The following FAM228B variants were observed in gnomAD, a reference collection of about 807,000 sequenced individuals.
The protein encoded by FAM228B is protein FAM228B.
FAM228B carries 38 observed loss-of-function variants against 42.6 expected under a neutral mutation model. The observed-to-expected ratio is 0.89, with a 90% CI of 0.69 to 1.17. The LOEUF (loss-of-function observed/expected upper bound fraction) is 1.17, where lower values mean the gene tolerates loss of function less well. Ranked by LOEUF, FAM228B falls within the 50% of genes most tolerant of loss-of-function variation. The probability of loss-of-function intolerance (pLI) is 0.00; values close to 1 mark genes in which losing one functional copy is unlikely to be tolerated. For missense variants in FAM228B, 344 were observed against 367.3 expected (o/e 0.94, Z 0.52); for synonymous variants, 109 against 122.3 (o/e 0.89, Z 0.72).
chr2:24,121,304 G>A, upstream of FAM228B: 1 of 1,614,110 alleles, frequency 6.2e-7, no homozygotes, highest in South Asian at 1.1e-5. Flanking sequence ...GCGTTACCTG[G>A]AGAGGTTACA....
intron 3 of FAM228B, among the ~76,000 whole-genome samples, chr2:24,107,945 T>G (rs1182608754): frequency 1.3e-5 from 2 of 151,982 alleles, no homozygotes; most frequent in African/African-American, 4.8e-5. Context: ...TAAAGGAAAT[T>G]GAGACACAAA....
intron 1 of FAM228B, 129 bp downstream of exon 1, chr2:24,123,662 G>A (rs1666208922): frequency 6.6e-6 from 1 of 151,772 alleles, no homozygotes; most frequent in Admixed American, 6.6e-5. Flanking sequence ...CTGGCCTTGG[G>A]AGGGCAGAGA....
intron 2 of FAM228B, among the ~76,000 whole-genome samples, chr2:24,092,218 CAAAAAAA>C (rs34189159): frequency 3.0e-4 from 9 of 29,994 alleles, no homozygotes; most frequent in East Asian, 1.2e-3. Flanking sequence ...GACTCTGTCT[CAAAAAAA>C]AAAAAAAAAA....
chr2:24,088,389 C>T (rs747017863), intron 2 of FAM228B, among the ~76,000 whole-genome samples: 13 of 152,072 alleles, frequency 8.5e-5, no homozygotes, highest in Admixed American at 5.9e-4. Context: ...CTGGCTCTGT[C>T]GCCTAGGCTG....
rs1008550800 is a variant in FAM228B at position 24,084,012 on chromosome 2, C to T, written c.-210+3057C>T. On this transcript the variant is annotated intron_variant, in intron 2 of 10. Transcript: ENST00000613899. The surrounding 1 kb of genome is among the most constrained non-coding windows in gnomAD (Gnocchi z 8.4). ...GTGGATTCTGCTTTACAAGTACTCCCCCTTGTTTTGCATGAACAAAGAGGG... is the reference window on the plus strand; with the variant it reads ...GTGGATTCTGCTTTACAAGTACTCCTCCTTGTTTTGCATGAACAAAGAGGG... Among the ~76,000 whole-genome samples, 2 of 152,256 alleles carry T rather than the reference C, an allele frequency of 1.3e-5. No homozygotes were observed. Among genetic ancestry groups the T allele is most frequent in the African/African-American group, 4.8e-5 (2 of 41,560 alleles).
intron 2 of FAM228B, chr2:24,085,015 A>G (rs1665197163): frequency 6.6e-6 from 1 of 152,212 alleles, no homozygotes; most frequent in African/African-American, 2.4e-5. Flanking sequence ...CTTGACAGAA[A>G]GTGCGATTCT....
rs1349071122 is a variant in FAM228B, at chr2:24,169,400, A to AAGGATACACAAAATC, written c.*63_*77dup. ...ACACACCCTGATCCTTGATTGGTGA[A>AAGGATACACAAAATC]AGGATACACAAAATCAGGCTGCTTC... is the stretch of plus-strand genomic sequence containing the variant. On this transcript the variant is annotated 3_prime_UTR_variant, in exon 11 of 11. Coordinates refer to ENST00000615575, the MANE Select transcript of FAM228B (RefSeq NM_001145710.2). This position sits in a 1 kb window ranked among gnomAD's most constrained non-coding sequence, Gnocchi z 4.2. 1 of 463,532 alleles carries AAGGATACACAAAATC rather than the reference A, an allele frequency of 2.2e-6. No individual in the cohort carries two copies. Among genetic ancestry groups the AAGGATACACAAAATC allele is most frequent in the East Asian group, 7.0e-5 (1 of 14,258 alleles). The allele number at this position is 463,532 out of a possible 1,614,324, so 28.7% of individuals were successfully genotyped here.
chr2:24,164,480 C>A, intron 9 of FAM228B, 145 bp downstream of exon 9: 3 of 884,020 alleles, frequency 3.4e-6, no homozygotes, highest in Non-Finnish European at 4.8e-6. Flanking sequence ...AGCTGAGGGG[C>A]AGGTGCCCTT....
At chr2:24,109,621 G>T (rs1473430491) in intron 3 of FAM228B, among the ~76,000 whole-genome samples, 1 of 152,140 alleles carries the variant, frequency 6.6e-6, no homozygotes, top group Non-Finnish European at 1.5e-5. Context: ...CAAAAAGTGG[G>T]CAAAGAACAT....
At chr2:24,124,529 G>A (rs1666253963) in intron 2 of FAM228B, 69 bp downstream of exon 2, 1 of 862,872 alleles carries the variant, frequency 1.2e-6, no homozygotes, top group Non-Finnish European at 1.8e-6. Flanking sequence ...AGTGGCTTGT[G>A]CTAAATATAT....
intron 3 of FAM228B, among the ~76,000 whole-genome samples, chr2:24,098,871 C>G (rs1440531311): frequency 6.6e-6 from 1 of 152,150 alleles, no homozygotes; most frequent in Non-Finnish European, 1.5e-5. Context: ...AACATCAATG[C>G]GAAAATCCTC....
chr2:24,079,447 A>C lies in FAM228B; in HGVS notation c.-289-1429A>C, dbSNP rs140931460. 300 of 1,613,822 alleles carry C rather than the reference A, an allele frequency of 1.9e-4. No individual in the cohort carries two copies. In the African/African-American group the frequency reaches 3.6e-3, roughly 19 times the overall value. ...TTTCTTTTCATTCATCACTCACCTTATTGTCCCTAGACCTCAGCAAACTGG... is the reference window on the plus strand; with the variant it reads ...TTTCTTTTCATTCATCACTCACCTTCTTGTCCCTAGACCTCAGCAAACTGG... On this transcript the variant is annotated intron_variant, in intron 1 of 10. Transcript: ENST00000613899.
intron 2 of FAM228B, among the ~76,000 whole-genome samples, chr2:24,090,167 T>C (rs181130416): frequency 4.6e-5 from 7 of 150,550 alleles, no homozygotes; most frequent in African/African-American, 1.5e-4. Flanking sequence ...ACTCGGGAGG[T>C]TGAAGCAGGA....
intron 2 of FAM228B, among the ~76,000 whole-genome samples, chr2:24,088,025 G>A (rs1387273628): frequency 6.6e-6 from 1 of 152,134 alleles, no homozygotes; most frequent in African/African-American, 2.4e-5. Context: ...TTACAGGCGT[G>A]AGCCACTGGG....
intron 3 of FAM228B, among the ~76,000 whole-genome samples, chr2:24,112,409 T>C (rs1029974804): frequency 3.3e-5 from 5 of 151,954 alleles, no homozygotes; most frequent in African/African-American, 1.2e-4. Flanking sequence ...CAAGCGATTC[T>C]TGTGCCTCAG....
chr2:24,109,038 A>G (rs1303400993), intron 3 of FAM228B, among the ~76,000 whole-genome samples: 4 of 152,116 alleles, frequency 2.6e-5, no homozygotes, highest in Non-Finnish European at 2.9e-5. Flanking sequence ...GGGCTACAGT[A>G]ACCAAAACAG....
chr2:24,104,950 A>C (rs4665657), intron 3 of FAM228B, among the ~76,000 whole-genome samples: 152,247 of 152,320 alleles, frequency 1, 76,087 homozygotes, highest in Middle Eastern at 1. Context: ...TCCCACCAAC[A>C]CCAGCCACTG....
chr2:24,114,172 T>C (rs1432948302), intron 3 of FAM228B, among the ~76,000 whole-genome samples: 1 of 152,166 alleles, frequency 6.6e-6, no homozygotes, highest in Non-Finnish European at 1.5e-5. Flanking sequence ...TGATTACAAC[T>C]ATAAAGGACC....
chr2:24,137,874 A>T, intron 3 of FAM228B, 35 bp from the exon 4 acceptor site: 1 of 1,431,784 alleles, frequency 7.0e-7, no homozygotes, highest in Non-Finnish European at 9.3e-7. Flanking sequence ...AAGCTTTAGG[A>T]TAATATATTT....
Sources: allele counts gnomAD v4.1 joint callset (sites outside exome capture counted in the v4.1 genomes callset), GRCh38; gene constraint gnomAD v4.1.1; non-coding constraint Gnocchi (gnomAD v3.1); transcripts MANE v1.5; gene names NCBI Gene and HGNC (gene_info 2026-07-23, HGNC 2026-07-21).